ST6GALNAC3: variants seen among roughly 807,000 people sequenced by gnomAD.
ST6GALNAC3 encodes ST6 N-acetylgalactosaminide alpha-2,6-sialyltransferase 3, also known as alpha-N-acetylgalactosaminide alpha-2,6-sialyltransferase 3.
A neutral mutation model predicts 32.7 loss-of-function variants in ST6GALNAC3; 25 were observed. That is an observed-to-expected ratio of 0.76 (90% CI 0.56 to 1.07). The LOEUF (loss-of-function observed/expected upper bound fraction) is 1.07, where lower values mean the gene tolerates loss of function less well. ST6GALNAC3 is among the 50% of genes least tolerant of loss of function. The pLI, the probability that ST6GALNAC3 is intolerant of heterozygous loss-of-function variation, is 0.00. For synonymous variants in ST6GALNAC3, 129 were observed against 133.1 expected, an observed-to-expected ratio of 0.97 and a Z score of 0.21; for missense variants, 355 against 382.4, an observed-to-expected ratio of 0.93 and a Z score of 0.60.
chr1:76,257,811 G>C (rs1658003057), intron 1 of ST6GALNAC3, among the ~76,000 whole-genome samples: 1 of 152,082 alleles, frequency 6.6e-6, no homozygotes, highest in Admixed American at 6.6e-5. Context: ...AAAAGAATAG[G>C]ATAGAGGGCT....
chr1:76,373,403 A>T (rs1650986294), intron 2 of ST6GALNAC3, among the ~76,000 whole-genome samples: 1 of 152,216 alleles, frequency 6.6e-6, no homozygotes, highest in Non-Finnish European at 1.5e-5. Flanking sequence ...GGGACCTGGT[A>T]AATAGGTGCC....
At chr1:76,431,895 A>G (rs1159870376) in intron 3 of ST6GALNAC3, among the ~76,000 whole-genome samples, 1 of 152,128 alleles carries the variant, frequency 6.6e-6, no homozygotes, top group South Asian at 2.1e-4. Flanking sequence ...CATACATTCT[A>G]TGGGTTTATA....
intron 1 of ST6GALNAC3, among the ~76,000 whole-genome samples, chr1:76,086,320 A>G (rs761312821): frequency 2.6e-5 from 4 of 152,208 alleles, no homozygotes; most frequent in Non-Finnish European, 4.4e-5. Flanking sequence ...TTATTTAAGG[A>G]TTAGGAATGG....
intron 2 of ST6GALNAC3, among the ~76,000 whole-genome samples, chr1:76,337,064 G>T (rs1380937453): frequency 2.0e-5 from 3 of 152,158 alleles, no homozygotes; most frequent in African/African-American, 7.2e-5. Flanking sequence ...CCAATTATTC[G>T]AATCTGCTCA....
intron 1 of ST6GALNAC3, among the ~76,000 whole-genome samples, chr1:76,176,748 A>G (rs1470214920): frequency 6.6e-6 from 1 of 152,222 alleles, no homozygotes; most frequent in Non-Finnish European, 1.5e-5. Flanking sequence ...TAAAGAACAG[A>G]GATTTCTGTT....
At chr1:76,570,907 C>T (rs1360503751) in intron 3 of ST6GALNAC3, among the ~76,000 whole-genome samples, 1 of 151,996 alleles carries the variant, frequency 6.6e-6, no homozygotes, top group African/African-American at 2.4e-5. Flanking sequence ...TGTTCATATT[C>T]CCAGCCTGCT....
intron 1 of ST6GALNAC3, among the ~76,000 whole-genome samples, chr1:76,158,414 T>C (rs1557661758): frequency 6.6e-6 from 1 of 152,180 alleles, no homozygotes; most frequent in Non-Finnish European, 1.5e-5. Flanking sequence ...CCCTCTGACA[T>C]GAAGGCACCT....
At chr1:76,343,422 G>T (rs1648227307) in intron 2 of ST6GALNAC3, among the ~76,000 whole-genome samples, 1 of 152,194 alleles carries the variant, frequency 6.6e-6, no homozygotes, top group Admixed American at 6.5e-5. Context: ...AAGATAGGTA[G>T]CTCCCTATCA....
chr1:76,416,989 T>C (rs1018067969), intron 3 of ST6GALNAC3, among the ~76,000 whole-genome samples: 89 of 152,106 alleles, frequency 5.9e-4, no homozygotes, highest in Admixed American at 3.1e-3. Context: ...AGAAGAAATA[T>C]GTATATCATT....
At position 76,106,522 on chromosome 1, in the gene ST6GALNAC3, T is replaced by C. The variant is rs192721913; in HGVS notation, c.18+31638T>C. Among the ~76,000 whole-genome samples the C allele has an allele frequency of 4.1e-3, 621 of 152,334 alleles. 7 individuals are homozygous for C. The highest frequency in any genetic ancestry group is 0.014 in the African/African-American group (572 of 41,580). ...GTGCTGTGCCTTGTGCTTGGGATAA[T>C]TGTGTTTTCCATTTGATGGCCCCCA... On this transcript the variant is annotated intron_variant, in intron 1 of 4. Coordinates refer to ENST00000328299, the MANE Select transcript of ST6GALNAC3 (RefSeq NM_152996.4).
chr1:76,523,466 G>T (rs1332590765), intron 3 of ST6GALNAC3, among the ~76,000 whole-genome samples: 1 of 152,136 alleles, frequency 6.6e-6, no homozygotes, highest in Non-Finnish European at 1.5e-5. Flanking sequence ...TTGTGATCTT[G>T]CATTAGAAAA....
At chr1:76,531,004 T>C (rs1460513595) in intron 3 of ST6GALNAC3, among the ~76,000 whole-genome samples, 1 of 152,122 alleles carries the variant, frequency 6.6e-6, no homozygotes, top group African/African-American at 2.4e-5. Flanking sequence ...TCTAAATATG[T>C]GATGCACAAA....
At position 76,467,525 on chromosome 1, in the gene ST6GALNAC3, T is replaced by C. The variant is rs563288714; in HGVS notation, c.623+55108T>C. 1.8e-3 allele frequency among the ~76,000 whole-genome samples: 281 copies of C among 152,052 alleles called. 1 individual carries two copies. Among genetic ancestry groups the C allele is most frequent in the African/African-American group, 6.4e-3 (266 of 41,518 alleles). The stretch of plus-strand genomic sequence containing the variant: ...CAGATGATGAATTATTAAGTAGGCA[T>C]TGAGAGTAAAGTAGAAAAATATTAA... On this transcript the variant is annotated intron_variant, in intron 3 of 4. Transcript: ENST00000328299.
In ST6GALNAC3 at chr1:76,629,186, G is replaced by A; in HGVS notation, c.*380G>A. Reference sequence around the variant, plus strand: ...AGCCAAAAGAGTTTGGCTTCATGAGGCAAGGTGATTGACTCAATGGCTTGT... The same window carrying A: ...AGCCAAAAGAGTTTGGCTTCATGAGACAAGGTGATTGACTCAATGGCTTGT... On this transcript the variant is annotated 3_prime_UTR_variant, in exon 5 of 5. Transcript: ENST00000328299. The A allele has an allele frequency of 9.8e-7, 1 of 1,015,928 alleles. No individual in the cohort carries two copies. Among genetic ancestry groups the A allele is most frequent in the Non-Finnish European group, 1.2e-6 (1 of 851,144 alleles). 62.9% of individuals were successfully genotyped at this position (1,015,928 alleles called of 1,614,324 possible).
chr1:76,248,689 A>G (rs1015120300), intron 1 of ST6GALNAC3, among the ~76,000 whole-genome samples: 1 of 151,840 alleles, frequency 6.6e-6, no homozygotes, highest in African/African-American at 2.4e-5. Flanking sequence ...TTCTCCTCAT[A>G]TCTCCTCTTG....
At position 76,416,627 on chromosome 1, in the gene ST6GALNAC3, G is replaced by GTTTTTTT. The variant is rs758529243; in HGVS notation, c.623+4222_623+4228dup. ...CACTTTTCCAAGTATTGTGGGTTTT[G>GTTTTTTT]TTTTTTTTTTTTTTTTTTGAGACAG... On this transcript the variant is annotated intron_variant, in intron 3 of 4. Coordinates refer to ENST00000328299, the MANE Select transcript of ST6GALNAC3 (RefSeq NM_152996.4). 3.3e-4 allele frequency among the ~76,000 whole-genome samples: 37 copies of GTTTTTTT among 113,456 alleles called. 2 individuals are homozygous for GTTTTTTT. Among genetic ancestry groups the GTTTTTTT allele is most frequent in the Non-Finnish European group, 4.4e-4 (25 of 57,294 alleles). The allele number at this position is 113,456 out of a possible 152,430, so 74.4% of individuals were successfully genotyped here.
At chr1:76,623,877 G>A (rs973542032) in intron 3 of ST6GALNAC3, among the ~76,000 whole-genome samples, 11 of 151,922 alleles carry the variant, frequency 7.2e-5, no homozygotes, top group African/African-American at 2.4e-4. Context: ...AGGCCAGTGA[G>A]TTCCTCTAGG....
intron 3 of ST6GALNAC3, among the ~76,000 whole-genome samples, chr1:76,548,745 A>G (rs1325443793): frequency 6.6e-6 from 1 of 152,164 alleles, no homozygotes; most frequent in Non-Finnish European, 1.5e-5. Context: ...GCCAAACTTC[A>G]GTGTCTGCCA....
chr1:76,087,165 C>T lies in ST6GALNAC3; in HGVS notation c.18+12281C>T, dbSNP rs1357738474. Among the ~76,000 whole-genome samples, 3 of 152,184 alleles carry T rather than the reference C, an allele frequency of 2.0e-5. No individual in the cohort carries two copies. In the East Asian group the frequency reaches 5.8e-4, roughly 29 times the overall value. ...GGCTTGATTTGAGCCAAGATTTCTG[C>T]ATGTGACTTCTAACTTGTGGGTAAA... On this transcript the variant is annotated intron_variant, in intron 1 of 4. Coordinates refer to ENST00000328299, the MANE Select transcript of ST6GALNAC3 (RefSeq NM_152996.4).
Sources: allele counts gnomAD v4.1 joint callset (sites outside exome capture counted in the v4.1 genomes callset), GRCh38; gene constraint gnomAD v4.1.1; transcripts MANE v1.5; gene names NCBI Gene and HGNC (gene_info 2026-07-23, HGNC 2026-07-21).